Variants in DSCAM observed in about 807,000 individuals in gnomAD.
DSCAM encodes cell adhesion molecule DSCAM.
Under a neutral mutation model 217.7 loss-of-function variants are expected in DSCAM, and 47 were observed. The observed-to-expected ratio is 0.22, with a 90% confidence interval of 0.17 to 0.28. The LOEUF (loss-of-function observed/expected upper bound fraction) is 0.28. DSCAM is among the 10% of genes least tolerant of loss of function. The pLI is 1.00. For synonymous variants in DSCAM, 1,056 were observed against 1,015.3 expected, an observed-to-expected ratio of 1.04 and a Z score of -0.76; for missense variants, 2,080 against 2,618.3, an observed-to-expected ratio of 0.79 and a Z score of 4.49.
At chr21:40,339,904 G>A (rs1482170713) in intron 6 of DSCAM, among the ~76,000 whole-genome samples, 2 of 71,496 alleles carry the variant, frequency 2.8e-5, no homozygotes, top group African/African-American at 8.0e-5. Flanking sequence ...TCTCACTAGG[G>A]AATTCTTTAC....
At chr21:40,155,318 G>C (rs1390187540) in intron 16 of DSCAM, among the ~76,000 whole-genome samples, 1 of 152,190 alleles carries the variant, frequency 6.6e-6, no homozygotes, top group Non-Finnish European at 1.5e-5. Flanking sequence ...GGGACCTAGA[G>C]GGTGCACTCT....
chr21:40,559,458 CA>C (rs59510708), intron 3 of DSCAM, among the ~76,000 whole-genome samples: 53,582 of 115,766 alleles, frequency 0.46, 10,941 homozygotes, highest in Admixed American at 0.53. Flanking sequence ...GACCCCGTCT[CA>C]AAAAAAAAAA....
At chr21:40,113,908 A>T (rs1448942814) in intron 20 of DSCAM, among the ~76,000 whole-genome samples, 7 of 151,930 alleles carry the variant, frequency 4.6e-5, no homozygotes, top group Non-Finnish European at 7.4e-5. Context: ...CAACGAAATA[A>T]AAGAGGATAC....
At chr21:40,372,876 C>G (rs1375049720) in intron 3 of DSCAM, among the ~76,000 whole-genome samples, 1 of 152,138 alleles carries the variant, frequency 6.6e-6, no homozygotes, top group Non-Finnish European at 1.5e-5. Context: ...CATGTTAGTG[C>G]CACTAAAATA....
At chr21:40,266,311 C>T (rs1031738559) in intron 11 of DSCAM, among the ~76,000 whole-genome samples, 2 of 152,016 alleles carry the variant, frequency 1.3e-5, no homozygotes, top group Non-Finnish European at 2.9e-5. Flanking sequence ...TACGACCTTC[C>T]CCTAGCCAGA....
intron 3 of DSCAM, among the ~76,000 whole-genome samples, chr21:40,674,091 A>AT (rs2090309012): frequency 6.6e-6 from 1 of 152,188 alleles, no homozygotes; most frequent in Admixed American, 6.5e-5. Context: ...ATTTCCTAAA[A>AT]TTTTTTGAAC....
rs1345023022 is a variant in DSCAM, at chr21:40,524,987, G to A, written c.509-155742C>T. ...GTCATGCCACTGCATTCCAGCCTGG[G>A]CAACAGAGTGAGACTCAGTCTCAAA... is the stretch of plus-strand genomic sequence containing the variant. On this transcript the variant is annotated intron_variant, in intron 3 of 32. Coordinates refer to ENST00000400454, the MANE Select transcript of DSCAM (RefSeq NM_001389.5). Among the ~76,000 whole-genome samples the A allele has an allele frequency of 3.1e-5, 4 of 129,522 alleles. No homozygotes were observed. In the East Asian group the frequency reaches 9.8e-4, roughly 32 times the overall value. 85.0% of individuals were successfully genotyped at this position (129,522 alleles called of 152,430 possible). A position where few individuals can be genotyped will look rare whatever the true frequency, so the allele number is the denominator to read the frequency against.
chr21:40,210,239 CT>C (rs1349166617), intron 11 of DSCAM, among the ~76,000 whole-genome samples: 1 of 152,206 alleles, frequency 6.6e-6, no homozygotes, highest in Non-Finnish European at 1.5e-5. Flanking sequence ...GTCCTACCTC[CT>C]CTATGGAGCC....
intron 1 of DSCAM, among the ~76,000 whole-genome samples, chr21:40,791,156 CA>C (rs61244663): frequency 0.46 from 65,409 of 141,904 alleles, 16,157 homozygotes; most frequent in South Asian, 0.66. Context: ...GACTTCATCT[CA>C]AAAAAAAAAA....
intron 3 of DSCAM, among the ~76,000 whole-genome samples, chr21:40,541,103 C>A (rs138367788): frequency 4.6e-5 from 7 of 152,104 alleles, no homozygotes; most frequent in Middle Eastern, 3.4e-3. Context: ...CAGGGGAAGT[C>A]TTTTTATACA....
chr21:40,048,614 T>A (rs748273774), intron 30 of DSCAM, among the ~76,000 whole-genome samples: 3 of 152,232 alleles, frequency 2.0e-5, no homozygotes, highest in Non-Finnish European at 4.4e-5. Context: ...AAGCAACATG[T>A]TTTAGATGCT....
At chr21:40,558,632 A>G (rs1220210874) in intron 3 of DSCAM, among the ~76,000 whole-genome samples, 3 of 152,200 alleles carry the variant, frequency 2.0e-5, no homozygotes, top group East Asian at 1.9e-4. Flanking sequence ...AGACAGAAAC[A>G]TTGATAGTTC....
intron 14 of DSCAM, among the ~76,000 whole-genome samples, chr21:40,184,000 C>A (rs993600646): frequency 5.3e-5 from 8 of 152,082 alleles, no homozygotes; most frequent in African/African-American, 1.9e-4. Context: ...ACAATTCCAG[C>A]CCTCAGGGCT....
At chr21:40,823,170 A>C (rs943147651) in intron 1 of DSCAM, among the ~76,000 whole-genome samples, 15 of 136,864 alleles carry the variant, frequency 1.1e-4, no homozygotes, top group African/African-American at 4.0e-4. Flanking sequence ...CCCCCCCAAA[A>C]AAGAAAGAAT....
In DSCAM at chr21:40,042,596, C is replaced by T. The variant is rs1208234992; in HGVS notation, c.5461G>A (p.Ala1821Thr). ...TGCCTCAGTTGCTCTTCCATCTTGG[C>T]GTGTTCGTAGGCCCTGGCCAGTTCT... Reference protein sequence around the residue: ...YEELARAYEHAKMEEQLRHAK... With the variant: ...YEELARAYEHTKMEEQLRHAK... The change falls in exon 32 of 33, where the codon GCC becomes ACC. Residue 1821 changes from alanine (A) to threonine (T), a missense_variant. Physicochemically the swap from Ala to Thr is moderately conservative, Grantham distance 58. This residue lies in a region of DSCAM where 1,144 missense variants were observed against 1,421.1 expected (regional missense o/e 0.81). Coordinates refer to ENST00000400454, the MANE Select transcript of DSCAM (RefSeq NM_001389.5). 2 of 1,614,076 alleles carry T rather than the reference C, an allele frequency of 1.2e-6. No individual in the cohort carries two copies. Among genetic ancestry groups the T allele is most frequent in the Non-Finnish European group, 1.7e-6 (2 of 1,180,020 alleles).
intron 3 of DSCAM, among the ~76,000 whole-genome samples, chr21:40,476,311 A>G (rs968896925): frequency 1.3e-5 from 2 of 152,226 alleles, no homozygotes; most frequent in Non-Finnish European, 2.9e-5. Flanking sequence ...CATCATGGAT[A>G]CGACTTGGAC....
chr21:40,405,718 C>T (rs993929729), intron 3 of DSCAM, among the ~76,000 whole-genome samples: 33 of 152,162 alleles, frequency 2.2e-4, no homozygotes, highest in African/African-American at 6.5e-4. Context: ...GATATATAGC[C>T]GGGCACAGTG....
intron 11 of DSCAM, among the ~76,000 whole-genome samples, chr21:40,254,396 A>G (rs528615601): frequency 6.6e-6 from 1 of 152,340 alleles, no homozygotes; most frequent in South Asian, 2.1e-4. Flanking sequence ...TGATGGGAGC[A>G]AATTTAAACT....
chr21:40,554,618 C>A (rs1393550947), intron 3 of DSCAM, among the ~76,000 whole-genome samples: 1 of 152,124 alleles, frequency 6.6e-6, no homozygotes, highest in Non-Finnish European at 1.5e-5. Flanking sequence ...AGACGGTTAT[C>A]CACTCACATA....
Sources: gnomAD v4.1 joint callset for allele counts (sites outside exome capture counted in the v4.1 genomes callset) on GRCh38, gnomAD v4.1.1 for gene constraint, gnomAD v4.1.1 regional missense constraint, MANE v1.5 for transcripts, NCBI Gene and HGNC (gene_info 2026-07-23, HGNC 2026-07-21) for gene names.